The following MLIP variants were observed in gnomAD, a reference collection of about 807,000 sequenced individuals.
MLIP encodes muscular LMNA interacting protein.
A neutral mutation model predicts 84.8 loss-of-function variants in MLIP; 79 were observed. That is an observed-to-expected ratio of 0.93 (90% CI 0.78 to 1.12). The LOEUF is 1.12. Among genes scored for constraint, MLIP ranks in the 50% most tolerant of loss-of-function variants. The pLI is 0.00. For synonymous variants in MLIP, 504 were observed against 463.0 expected (o/e 1.09, Z -1.14); for missense variants, 1,257 against 1,160.6 (o/e 1.08, Z -1.21).
At chr6:54,141,311 C>A (rs1561975332) in intron 4 of MLIP, among the ~76,000 whole-genome samples, 1 of 84,990 alleles carries the variant, frequency 1.2e-5, no homozygotes, top group Admixed American at 1.2e-4. Context: ...GCTCAGCCTG[C>A]CTTTTTTTTT....
chr6:54,044,351 G>A (rs974802359), intron 1 of MLIP, among the ~76,000 whole-genome samples: 1 of 152,184 alleles, frequency 6.6e-6, no homozygotes, highest in Admixed American at 6.5e-5. Flanking sequence ...TAAGCATGAT[G>A]GATTGGATGC....
intron 1 of MLIP, among the ~76,000 whole-genome samples, chr6:54,039,399 G>A (rs1764621037): frequency 6.6e-6 from 1 of 151,952 alleles, no homozygotes; most frequent in Non-Finnish European, 1.5e-5. Context: ...CTACTGAAAT[G>A]TATTAATGGT....
At chr6:54,034,446 G>A (rs1764311627) in intron 1 of MLIP, among the ~76,000 whole-genome samples, 1 of 152,164 alleles carries the variant, frequency 6.6e-6, no homozygotes, top group African/African-American at 2.4e-5. Context: ...TAATGGAGCT[G>A]ACAAATTCCT....
chr6:54,054,189 C>T (rs1370531935), intron 1 of MLIP, among the ~76,000 whole-genome samples: 2 of 152,244 alleles, frequency 1.3e-5, no homozygotes, highest in South Asian at 4.2e-4. Flanking sequence ...CTTATCAGCG[C>T]TCTCACAAGA....
At position 54,021,828 on chromosome 6, in the gene MLIP, T is replaced by A. The variant is rs559342042; in HGVS notation, c.63+2737T>A. Reference sequence around the variant, plus strand: ...ATGCCAAGTGAAATTTCTCATAATTTGGTTGATGTTATTCCAATATTTCAA... The same window carrying A: ...ATGCCAAGTGAAATTTCTCATAATTAGGTTGATGTTATTCCAATATTTCAA... On this transcript the variant is annotated intron_variant, in intron 1 of 12. Transcript: ENST00000274897. Among the ~76,000 whole-genome samples, 137 of 152,316 alleles carry A rather than the reference T, an allele frequency of 9.0e-4. 1 individual carries two copies. The highest frequency in any genetic ancestry group is 3.1e-3 in the African/African-American group (130 of 41,564).
chr6:54,057,498 G>A (rs996348213), intron 1 of MLIP, among the ~76,000 whole-genome samples: 1 of 152,152 alleles, frequency 6.6e-6, no homozygotes, highest in African/African-American at 2.4e-5. Context: ...TTTGCATTCA[G>A]GGGGAATAGT....
At chr6:54,124,956 G>A in intron 3 of MLIP, 91 bp downstream of exon 3, 1 of 1,175,492 alleles carries the variant, frequency 8.5e-7, no homozygotes, top group South Asian at 2.3e-5. Flanking sequence ...TCCTGTTTAA[G>A]GCAGACAAAA....
intron 11 of MLIP, among the ~76,000 whole-genome samples, chr6:54,206,914 C>G (rs960213044): frequency 7.2e-5 from 11 of 152,204 alleles, no homozygotes; most frequent in Non-Finnish European, 1.0e-4. Flanking sequence ...GTTTCTCAAT[C>G]AAGATGGCCC....
At chr6:54,156,739 A>G (rs1326212770) in intron 5 of MLIP, among the ~76,000 whole-genome samples, 1 of 152,102 alleles carries the variant, frequency 6.6e-6, no homozygotes, top group Non-Finnish European at 1.5e-5. Context: ...TTACCCAGTG[A>G]TTCATCATAA....
intron 12 of MLIP, among the ~76,000 whole-genome samples, chr6:54,253,900 C>T (rs1231180819): frequency 6.6e-6 from 1 of 152,056 alleles, no homozygotes; most frequent in African/African-American, 2.4e-5. Context: ...CGTGCTTTGT[C>T]TCAATTCTCT....
intron 4 of MLIP, among the ~76,000 whole-genome samples, chr6:54,143,204 C>T (rs1398043471): frequency 6.8e-6 from 1 of 147,344 alleles, no homozygotes; most frequent in Non-Finnish European, 1.5e-5. Flanking sequence ...CCCGCACTCC[C>T]TGGGGGGATT....
At chr6:54,020,214 A>ATCTTC (rs1763418699) in intron 1 of MLIP, among the ~76,000 whole-genome samples, 1 of 152,192 alleles carries the variant, frequency 6.6e-6, no homozygotes, top group Non-Finnish European at 1.5e-5. Context: ...AGTCTCAGTT[A>ATCTTC]ATTCATGTGT....
rs1192244510 is a variant in MLIP at position 54,059,992 on chromosome 6, T to A, written c.63+40901T>A. On this transcript the variant is annotated intron_variant, in intron 1 of 12. Transcript: ENST00000274897. ...AGGCATGTAGTGATTTCTCCTAAAG[T>A]TTTATCCACAAAAGTAGACTTTTGA... Among the ~76,000 whole-genome samples, 5 of 152,396 alleles carry A rather than the reference T, an allele frequency of 3.3e-5. No individual in the cohort carries two copies. In the South Asian group the frequency reaches 8.3e-4, roughly 25 times the overall value.
intron 1 of MLIP, among the ~76,000 whole-genome samples, chr6:54,089,130 G>T (rs965203550): frequency 2.6e-5 from 4 of 152,098 alleles, no homozygotes; most frequent in Admixed American, 6.6e-5. Context: ...TATTTTTGGT[G>T]TGAGTTTCAG....
chr6:54,165,365 A>G (rs1775069877), intron 8 of MLIP, among the ~76,000 whole-genome samples: 1 of 151,920 alleles, frequency 6.6e-6, no homozygotes, highest in African/African-American at 2.4e-5. Context: ...GATCAAGGGA[A>G]AGATTCATCA....
chr6:54,098,711 T>C (rs2150384653), intron 1 of MLIP, among the ~76,000 whole-genome samples: 1 of 152,272 alleles, frequency 6.6e-6, no homozygotes, highest in Admixed American at 6.5e-5. Flanking sequence ...GTGAACGAGC[T>C]GTTTAAAACT....
intron 12 of MLIP, among the ~76,000 whole-genome samples, chr6:54,249,732 C>T (rs9395921): frequency 2.2e-4 from 31 of 139,740 alleles, no homozygotes; most frequent in African/African-American, 3.3e-4. Context: ...CACACACACA[C>T]ACATATATAT....
chr6:54,090,125 A>T (rs1390047946), intron 1 of MLIP, among the ~76,000 whole-genome samples: 1 of 152,080 alleles, frequency 6.6e-6, no homozygotes, highest in Non-Finnish European at 1.5e-5. Flanking sequence ...GCTTTTGGAT[A>T]TTAACAGAAG....
chr6:54,034,684 A>G (rs1328597311), intron 1 of MLIP, among the ~76,000 whole-genome samples: 1 of 152,166 alleles, frequency 6.6e-6, no homozygotes, highest in Non-Finnish European at 1.5e-5. Context: ...AAAAAATGTA[A>G]AAAGTACATA....
Sources: gnomAD v4.1 joint callset for allele counts (sites outside exome capture counted in the v4.1 genomes callset) on GRCh38, gnomAD v4.1.1 for gene constraint, MANE v1.5 for transcripts, NCBI Gene and HGNC (gene_info 2026-07-23, HGNC 2026-07-21) for gene names.